Variants in SYF2 observed in about 807,000 individuals in gnomAD.
The protein encoded by SYF2 is SYF2 pre-mRNA splicing factor.
In SYF2, 21 loss-of-function variants were observed where a neutral mutation model predicts 32.7. The ratio of observed to expected loss-of-function variants is 0.64; its 90% CI spans 0.45 to 0.92. SYF2 has a LOEUF of 0.92. SYF2 is among the 40% of genes least tolerant of loss of function. The pLI is 0.00. For missense variants in SYF2, 278 were observed against 296.5 expected, an observed-to-expected ratio of 0.94 and a Z score of 0.46; for synonymous variants, 114 against 103.9, an observed-to-expected ratio of 1.10 and a Z score of -0.59.
chr1:25,232,467 TC>T lies in SYF2; in HGVS notation c.-1del, dbSNP rs752803810. 6.2e-7 allele frequency: 1 copy of T among 1,614,150 alleles called. No homozygotes were observed. The highest frequency in any genetic ancestry group is 1.1e-5 in the South Asian group (1 of 91,086). ...ACCTCGGATGCAGCTATAGCCGCCA[TC>T]ACAACCTTTCTCTCTTCCCACTTCC... On this transcript the variant is annotated 5_prime_UTR_variant, in exon 1 of 7. Coordinates refer to ENST00000236273, the MANE Select transcript of SYF2 (RefSeq NM_015484.5).
At chr1:25,227,593 G>A in intron 4 of SYF2, 61 bp from the exon 5 acceptor site, 4 of 1,438,060 alleles carry the variant, frequency 2.8e-6, no homozygotes, top group Admixed American at 4.2e-5. Context: ...TTCCTATTGA[G>A]AGAAAAATCT....
At chr1:25,231,433 C>T (rs1285645994) in intron 2 of SYF2, 1 of 152,258 alleles carries the variant, frequency 6.6e-6, no homozygotes, top group Non-Finnish European at 1.5e-5. Flanking sequence ...TTGGATATCT[C>T]TTTCTCTAAC....
At position 25,229,102 on chromosome 1, in the gene SYF2, G is replaced by T; in HGVS notation, c.154C>A (p.His52Asn). 1 of 1,612,108 alleles carries T rather than the reference G, an allele frequency of 6.2e-7. No homozygotes were observed. Among genetic ancestry groups the T allele is most frequent in the South Asian group, 1.1e-5 (1 of 90,356 alleles). Residue 52 changes from histidine (H) to asparagine (N), a missense_variant, in exon 3 of 7, where the codon CAC becomes AAC. Coordinates refer to ENST00000236273, the MANE Select transcript of SYF2 (RefSeq NM_015484.5). ...LMRNEARKLN[H>N]QEVVEEDKRL... is the part of the protein sequence containing the mutation. Reference sequence around the variant, plus strand: ...TTATCTTCTTCCACAACTTCCTGGTGATTTAATTTACGAGCTTCATTCTAA... The same window carrying T: ...TTATCTTCTTCCACAACTTCCTGGTTATTTAATTTACGAGCTTCATTCTAA...
At chr1:25,225,221 T>C (rs1638483199) in intron 5 of SYF2, 121 bp from the exon 6 acceptor site, 2 of 685,936 alleles carry the variant, frequency 2.9e-6, no homozygotes. Flanking sequence ...GATCCTACTT[T>C]AATTTTTTTT....
intron 3 of SYF2, among the ~76,000 whole-genome samples, chr1:25,228,486 C>G (rs1055528142): frequency 6.6e-6 from 1 of 152,022 alleles, no homozygotes; most frequent in African/African-American, 2.4e-5. Context: ...AGGCACATGC[C>G]ACCATGCCCG....
intron 5 of SYF2, 49 bp downstream of exon 5, chr1:25,227,393 A>T (rs1638533604): frequency 6.9e-7 from 1 of 1,450,330 alleles, no homozygotes; most frequent in Non-Finnish European, 9.7e-7. Flanking sequence ...GTATACACAC[A>T]CACACACACA....
Position 25,225,118 on chromosome 1 carries a change from T to G in SYF2, c.468-18A>C. On this transcript the variant is annotated intron_variant, in intron 5 of 6. Transcript: ENST00000236273. ...CTTCTCCACTGAAAAGGCAGCAAAATGAACTTACAGTAACACTATAAATGC... is the reference window on the plus strand; with the variant it reads ...CTTCTCCACTGAAAAGGCAGCAAAAGGAACTTACAGTAACACTATAAATGC... 6.5e-7 allele frequency: 1 copy of G among 1,547,924 alleles called. No homozygotes were observed. The highest frequency in any genetic ancestry group is 8.9e-7 in the Non-Finnish European group (1 of 1,119,714).
At chr1:25,228,012 A>G in intron 4 of SYF2, 106 bp downstream of exon 4, 1 of 892,860 alleles carries the variant, frequency 1.1e-6, no homozygotes, top group South Asian at 1.6e-5. Flanking sequence ...AGCCTCATCA[A>G]GAATATCCCA....
At chr1:25,223,849 T>C (rs1353409427) in intron 6 of SYF2, among the ~76,000 whole-genome samples, 1 of 152,076 alleles carries the variant, frequency 6.6e-6, no homozygotes, top group Non-Finnish European at 1.5e-5. Context: ...ACTCCATCAC[T>C]ATAAAAAAAA....
Position 25,227,476 on chromosome 1 carries a change from C to A in SYF2, c.433G>T (p.Asp145Tyr). ...YHRLTKQIKPDMETYERLREK... is the reference protein window; with the variant it reads ...YHRLTKQIKPYMETYERLREK... ...CTCAGTCTCTCATATGTTTCCATGTCAGGTTTGATCTGCTTGGTCAACCGA... is the reference window on the plus strand; with the variant it reads ...CTCAGTCTCTCATATGTTTCCATGTAAGGTTTGATCTGCTTGGTCAACCGA... Residue 145 changes from aspartate (D) to tyrosine (Y), a missense_variant, in exon 5 of 7, where the codon GAC (aspartate) becomes TAC (tyrosine). Transcript: ENST00000236273. The A allele has an allele frequency of 6.2e-7, 1 of 1,613,724 alleles. No homozygotes were observed. Among genetic ancestry groups the A allele is most frequent in the South Asian group, 1.1e-5 (1 of 90,942 alleles).
At chr1:25,229,630 C>G (rs922271990) in intron 2 of SYF2, among the ~76,000 whole-genome samples, 1 of 152,044 alleles carries the variant, frequency 6.6e-6, no homozygotes, top group Non-Finnish European at 1.5e-5. Context: ...CAAAAATTAG[C>G]GAGGCATGGT....
At position 25,222,636 on chromosome 1, in the gene SYF2, T is replaced by C. The variant is rs1437422619; in HGVS notation, c.*630A>G. ...GGAAGCATGTATGTATATAAACAAA[T>C]GTATATATACAAATGTTTGTTTTAA... On this transcript the variant is annotated 3_prime_UTR_variant, in exon 7 of 7. Coordinates refer to ENST00000236273, the MANE Select transcript of SYF2 (RefSeq NM_015484.5). 1 of 152,206 alleles carries C rather than the reference T, an allele frequency of 6.6e-6. No individual in the cohort carries two copies. Among genetic ancestry groups the C allele is most frequent in the African/African-American group, 2.4e-5 (1 of 41,458 alleles). The allele number at this position is 152,206 out of a possible 1,614,324, so 9.4% of individuals were successfully genotyped here. A position where few individuals can be genotyped will look rare whatever the true frequency, so the allele number is the denominator to read the frequency against.
Position 25,231,716 on chromosome 1 carries a change from A to G in SYF2, c.132+388T>C, listed in dbSNP as rs1218364417. 6 of 196,284 alleles carry G rather than the reference A, an allele frequency of 3.1e-5. No homozygotes were observed. In the Admixed American group the frequency reaches 3.4e-4, roughly 11 times the overall value. 12.2% of individuals were successfully genotyped at this position (196,284 alleles called of 1,614,324 possible). A position where few individuals can be genotyped will look rare whatever the true frequency, so the allele number is the denominator to read the frequency against. On this transcript the variant is annotated intron_variant, in intron 2 of 6. Coordinates refer to ENST00000236273, the MANE Select transcript of SYF2 (RefSeq NM_015484.5). ...AAACAGATTCTGACAGAAGATTATT[A>G]TTTTTTAAAGTGAACCAGGTCTCTT...
chr1:25,229,138 C>CA lies in SYF2; in HGVS notation c.133-16dup, dbSNP rs766209634. 30 of 1,607,554 alleles carry CA rather than the reference C, an allele frequency of 1.9e-5. No individual in the cohort carries two copies. In the African/African-American group the frequency reaches 3.9e-4, roughly 21 times the overall value. ...CGAGCTTCATTCTAAAACCGTAACA[C>CA]AAGAAGTCTGTCAGCTAAAACATGA... On this transcript the variant is annotated splice_polypyrimidine_tract_variant and intron_variant, in intron 2 of 6. Transcript: ENST00000236273.
rs1286187053 is a variant in SYF2, at chr1:25,223,122, A to G, written c.*144T>C. The G allele has an allele frequency of 8.4e-6, 6 of 716,466 alleles. No homozygotes were observed. The East Asian group carries it at 1.6e-4, about 19-fold the overall frequency. 44.4% of individuals were successfully genotyped at this position (716,466 alleles called of 1,614,324 possible). On this transcript the variant is annotated 3_prime_UTR_variant, in exon 7 of 7. Transcript: ENST00000236273. ...ACATGAAAGGATATACGTTTAAGAA[A>G]CCACATTTTTATTTCTAAATGCTGA...
At position 25,232,482 on chromosome 1, in the gene SYF2, C is replaced by T; in HGVS notation, c.-15G>A. On this transcript the variant is annotated 5_prime_UTR_variant, in exon 1 of 7. Transcript: ENST00000236273. ...ATAGCCGCCATCACAACCTTTCTCTCTTCCCACTTCCGGCAACAAGATAGA... is the reference window on the plus strand; with the variant it reads ...ATAGCCGCCATCACAACCTTTCTCTTTTCCCACTTCCGGCAACAAGATAGA... The T allele has an allele frequency of 4.3e-6, 7 of 1,614,230 alleles. No individual in the cohort carries two copies. Among genetic ancestry groups the T allele is most frequent in the Non-Finnish European group, 5.1e-6 (6 of 1,180,050 alleles).
chr1:25,225,771 T>C (rs1003294376), intron 5 of SYF2, among the ~76,000 whole-genome samples: 4 of 146,400 alleles, frequency 2.7e-5, no homozygotes, highest in African/African-American at 5.1e-5. Flanking sequence ...GGCAGGAGAA[T>C]TGCTTGAACC....
chr1:25,223,618 T>C (rs564788684), intron 6 of SYF2, among the ~76,000 whole-genome samples, 187 bp from the exon 7 acceptor site: 10 of 152,182 alleles, frequency 6.6e-5, no homozygotes, highest in Middle Eastern at 3.2e-3. Flanking sequence ...ATATGAACTG[T>C]GAAATCCAGT....
chr1:25,229,323 T>C (rs577102406), intron 2 of SYF2, among the ~76,000 whole-genome samples, 200 bp from the exon 3 acceptor site: 64 of 152,208 alleles, frequency 4.2e-4, no homozygotes, highest in South Asian at 1.2e-3. Context: ...TCAAGAAAAA[T>C]GTGTTGAGTT....
Sources: gnomAD v4.1 joint callset for allele counts (sites outside exome capture counted in the v4.1 genomes callset) on GRCh38, gnomAD v4.1.1 for gene constraint, MANE v1.5 for transcripts, NCBI Gene and HGNC (gene_info 2026-07-23, HGNC 2026-07-21) for gene names.